The following WHRN variants were observed in gnomAD, a reference collection of about 807,000 sequenced individuals.
The protein encoded by WHRN is whirlin, also known as CASK-interacting protein CIP98.
WHRN carries 41 observed loss-of-function variants against 68.3 expected under a neutral mutation model. The ratio of observed to expected loss-of-function variants is 0.60; its 90% confidence interval spans 0.47 to 0.78. The LOEUF (loss-of-function observed/expected upper bound fraction) is 0.78, where lower values mean the gene tolerates loss of function less well. Ranked by LOEUF, WHRN falls within the 30% of genes least tolerant of loss-of-function variation. The pLI is 0.00. For missense variants in WHRN, 1,243 were observed against 1,244.7 expected, an observed-to-expected ratio of 1.00 and a Z score of 0.02; for synonymous variants, 560 against 561.3, an observed-to-expected ratio of 1.00 and a Z score of 0.03.
intron 3 of WHRN, among the ~76,000 whole-genome samples, chr9:114,446,745 C>T (rs1487614619): frequency 6.6e-6 from 1 of 152,146 alleles, no homozygotes; most frequent in East Asian, 1.9e-4. Flanking sequence ...ACTCTGAAAG[C>T]TCTTGCCTCC....
intron 1 of WHRN, among the ~76,000 whole-genome samples, chr9:114,488,514 C>G (rs1397437768): frequency 1.3e-5 from 2 of 152,038 alleles, no homozygotes; most frequent in African/African-American, 4.8e-5. Context: ...CCCTTAAACA[C>G]CAGGCCAATC....
At chr9:114,417,914 T>G (rs1470705671) in intron 7 of WHRN, among the ~76,000 whole-genome samples, 1 of 152,142 alleles carries the variant, frequency 6.6e-6, no homozygotes, top group Non-Finnish European at 1.5e-5. Flanking sequence ...GGAGGAGCCA[T>G]GGGGGTCTTC....
intron 3 of WHRN, among the ~76,000 whole-genome samples, chr9:114,435,628 A>G (rs1261061441): frequency 2.6e-5 from 4 of 152,184 alleles, no homozygotes; most frequent in Non-Finnish European, 5.9e-5. Context: ...CACTGGTCCA[A>G]GGCTTCCTGG....
Position 114,478,563 on chromosome 9 carries a change from T to A in WHRN, c.827A>T (p.Asp276Val), listed in dbSNP as rs143202640. The change falls in exon 2 of 12, where the codon GAT becomes GTT. Residue 276 changes from aspartate to valine, a missense_variant. Physicochemically the swap from Asp to Val is radical, Grantham distance 152. Transcript: ENST00000362057. The part of the protein sequence containing the change: ...RSTLHLLQGG[D>V]EKKVNLVLGD... ...CCCCACCCCACTCACCTTTTTCTCA[T>A]CCCCTCCTTGCAGGAGGTGCAGGGT... The A allele has an allele frequency of 8.1e-6, 13 of 1,613,930 alleles. No individual in the cohort carries two copies. In the African/African-American group the frequency reaches 1.1e-4, roughly 13 times the overall value.
At chr9:114,500,517 C>T (rs1460118308) in intron 1 of WHRN, among the ~76,000 whole-genome samples, 2 of 152,106 alleles carry the variant, frequency 1.3e-5, no homozygotes, top group African/African-American at 4.8e-5. Flanking sequence ...ATGAAATTAC[C>T]GGCAACAGTT....
intron 2 of WHRN, among the ~76,000 whole-genome samples, chr9:114,476,453 C>T (rs1841658290): frequency 1.3e-5 from 2 of 152,024 alleles, no homozygotes; most frequent in Admixed American, 1.3e-4. Context: ...CTCTCTAGGT[C>T]TCAGCTCGGA....
intron 3 of WHRN, among the ~76,000 whole-genome samples, chr9:114,447,703 G>C (rs1838951141): frequency 6.6e-6 from 1 of 152,018 alleles, no homozygotes; most frequent in African/African-American, 2.4e-5. Context: ...TAGGCCACAA[G>C]GACTCCACCT....
intron 1 of WHRN, among the ~76,000 whole-genome samples, 176 bp from the exon 2 acceptor site, chr9:114,478,947 C>G (rs1239691712): frequency 1.3e-5 from 2 of 152,214 alleles, no homozygotes; most frequent in African/African-American, 2.4e-5. Context: ...ACAAGAACAT[C>G]TGTCCCACCC....
At chr9:114,451,914 C>T (rs2064954310) in intron 3 of WHRN, among the ~76,000 whole-genome samples, 1 of 152,170 alleles carries the variant, frequency 6.6e-6, no homozygotes, top group Non-Finnish European at 1.5e-5. Flanking sequence ...GGGATAATAC[C>T]AGAGCCTCCT....
At chr9:114,490,333 G>A (rs1162776846) in intron 1 of WHRN, among the ~76,000 whole-genome samples, 2 of 152,210 alleles carry the variant, frequency 1.3e-5, no homozygotes, top group East Asian at 3.8e-4. Flanking sequence ...ATAAAGGCCA[G>A]GGGAGATGGC....
At chr9:114,415,590 T>C (rs1285311581) in intron 7 of WHRN, among the ~76,000 whole-genome samples, 3 of 152,136 alleles carry the variant, frequency 2.0e-5, no homozygotes, top group East Asian at 1.9e-4. Flanking sequence ...TCGGGGCCCA[T>C]GTATGTTCTC....
At chr9:114,432,913 C>G (rs929748442) in intron 3 of WHRN, among the ~76,000 whole-genome samples, 1 of 152,212 alleles carries the variant, frequency 6.6e-6, no homozygotes, top group African/African-American at 2.4e-5. Flanking sequence ...CAGGGTGTCT[C>G]TCAGCGCCAC....
chr9:114,466,140 A>C (rs1840669248), intron 3 of WHRN, 127 bp downstream of exon 3: 1 of 1,440,964 alleles, frequency 6.9e-7, no homozygotes, highest in Non-Finnish European at 9.6e-7. Context: ...TACAGCAGCC[A>C]GGGAGGGCTC....
At chr9:114,493,970 G>A (rs1843230848) in intron 1 of WHRN, among the ~76,000 whole-genome samples, 1 of 152,214 alleles carries the variant, frequency 6.6e-6, no homozygotes, top group Admixed American at 6.5e-5. Context: ...CGAGAGCCCT[G>A]GCAATGAGCA....
intron 3 of WHRN, among the ~76,000 whole-genome samples, chr9:114,442,439 C>T (rs539769150): frequency 1.6e-4 from 25 of 152,164 alleles, no homozygotes; most frequent in East Asian, 1.5e-3. Context: ...ATGCTTTAGA[C>T]GGGAGAAGAG....
At chr9:114,475,257 C>T (rs551939050) in intron 2 of WHRN, among the ~76,000 whole-genome samples, 3 of 152,280 alleles carry the variant, frequency 2.0e-5, no homozygotes, top group South Asian at 4.1e-4. Context: ...CCCACTTAGC[C>T]GCCCCCCATG....
intron 1 of WHRN, among the ~76,000 whole-genome samples, chr9:114,495,427 A>G (rs902390319): frequency 6.6e-6 from 1 of 152,200 alleles, no homozygotes; most frequent in Non-Finnish European, 1.5e-5. Context: ...GGAAAGAAGT[A>G]AAGCCTGGAG....
In WHRN at chr9:114,447,424, T is replaced by C. The variant is rs139245800; in HGVS notation, c.963+18843A>G. On this transcript the variant is annotated intron_variant, in intron 3 of 11. Transcript: ENST00000362057. ...CTGTGAGGGTAAAAGGACTGATATA[T>C]ACAAAGTGCCCAGAATACTGCCTGT... 6.5e-4 allele frequency among the ~76,000 whole-genome samples: 99 copies of C among 152,296 alleles called. No individual in the cohort carries two copies. In the East Asian group the frequency reaches 0.018, roughly 28 times the overall value.
chr9:114,469,735 A>G (rs1187805350), intron 2 of WHRN, among the ~76,000 whole-genome samples: 1 of 152,234 alleles, frequency 6.6e-6, no homozygotes, highest in African/African-American at 2.4e-5. Context: ...CGCTGTAACA[A>G]ATCACCACAG....
Sources: gnomAD v4.1 joint callset for allele counts (sites outside exome capture counted in the v4.1 genomes callset) on GRCh38, gnomAD v4.1.1 for gene constraint, MANE v1.5 for transcripts, NCBI Gene and HGNC (gene_info 2026-07-23, HGNC 2026-07-21) for gene names.